PDZD2: variants seen among roughly 807,000 people sequenced by gnomAD.
The protein encoded by PDZD2 is PDZ domain-containing protein 2.
Under a neutral mutation model 220.7 loss-of-function variants are expected in PDZD2, and 90 were observed. The observed-to-expected ratio is 0.41, with a 90% CI of 0.34 to 0.49. The LOEUF is 0.49. Ranked by LOEUF, PDZD2 falls within the 20% of genes least tolerant of loss-of-function variation. The pLI is 0.28. For synonymous variants in PDZD2, 1,375 were observed against 1,450.5 expected, an observed-to-expected ratio of 0.95 and a Z score of 1.18; for missense variants, 3,174 against 3,608.5, an observed-to-expected ratio of 0.88 and a Z score of 3.08.
chr5:31,902,985 T>C (rs1451498894), intron 2 of PDZD2, among the ~76,000 whole-genome samples: 1 of 151,844 alleles, frequency 6.6e-6, no homozygotes, highest in Non-Finnish European at 1.5e-5. Flanking sequence ...ATAATATATA[T>C]GATAAGGGAT....
At chr5:31,956,785 A>G (rs865902651) in intron 2 of PDZD2, among the ~76,000 whole-genome samples, 23 of 140,366 alleles carry the variant, frequency 1.6e-4, no homozygotes, top group African/African-American at 5.9e-4. Flanking sequence ...AAAAAAAAAA[A>G]GGGACAAAGA....
At chr5:31,829,719 C>T (rs1354907450) in intron 2 of PDZD2, among the ~76,000 whole-genome samples, 1 of 152,096 alleles carries the variant, frequency 6.6e-6, no homozygotes, top group African/African-American at 2.4e-5. Flanking sequence ...TACTAACCCC[C>T]CTTTACCAAA....
At chr5:31,943,999 A>G (rs901470178) in intron 2 of PDZD2, among the ~76,000 whole-genome samples, 17 of 152,350 alleles carry the variant, frequency 1.1e-4, no homozygotes, top group African/African-American at 4.1e-4. Context: ...AATATCATCT[A>G]CAGTCATTAC....
intron 14 of PDZD2, among the ~76,000 whole-genome samples, chr5:32,067,520 A>G (rs1246854964): frequency 6.6e-6 from 1 of 152,220 alleles, no homozygotes; most frequent in Admixed American, 6.5e-5. Context: ...AAAGCATTAC[A>G]TAAAGGCCAC....
chr5:31,951,443 G>C (rs777267083), intron 2 of PDZD2, among the ~76,000 whole-genome samples: 9 of 152,074 alleles, frequency 5.9e-5, no homozygotes, highest in Non-Finnish European at 1.3e-4. Flanking sequence ...CCTCTCAAAG[G>C]CTCGACCTCT....
intron 1 of PDZD2, among the ~76,000 whole-genome samples, chr5:31,795,710 A>G (rs1753983444): frequency 6.6e-6 from 1 of 152,210 alleles, no homozygotes; most frequent in South Asian, 2.1e-4. Flanking sequence ...CACTTTTCAT[A>G]GCATTGCAAC....
At chr5:31,937,418 A>G (rs1047477968) in intron 2 of PDZD2, among the ~76,000 whole-genome samples, 1 of 152,128 alleles carries the variant, frequency 6.6e-6, no homozygotes, top group Non-Finnish European at 1.5e-5. Context: ...AGGTTTGGAG[A>G]ATGCCCCGTA....
chr5:31,990,195 T>C lies in PDZD2; in HGVS notation c.979-5381T>C, dbSNP rs571550948. 3.3e-5 allele frequency among the ~76,000 whole-genome samples: 5 copies of C among 151,664 alleles called. No homozygotes were observed. The South Asian group carries it at 6.2e-4, about 19-fold the overall frequency. On this transcript the variant is annotated intron_variant, in intron 3 of 24. Transcript: ENST00000438447. ...CACATATGGGGCAAAGTTGCTGTTA[T>C]AAAGTTTTATTTTTGGTTCCAGCAG...
At chr5:31,884,890 A>C (rs1477691675) in intron 2 of PDZD2, among the ~76,000 whole-genome samples, 4 of 151,548 alleles carry the variant, frequency 2.6e-5, no homozygotes, top group Non-Finnish European at 5.9e-5. Context: ...TGATCCACCC[A>C]CCTCAGCCTC....
At chr5:32,082,257 A>C (rs1742042885) in intron 19 of PDZD2, among the ~76,000 whole-genome samples, 1 of 143,764 alleles carries the variant, frequency 7.0e-6, no homozygotes, top group African/African-American at 2.6e-5. Flanking sequence ...CCTGACCTCA[A>C]GTGATCCACC....
intron 3 of PDZD2, among the ~76,000 whole-genome samples, chr5:31,986,917 A>G (rs1750767538): frequency 6.6e-6 from 1 of 152,188 alleles, no homozygotes; most frequent in Non-Finnish European, 1.5e-5. Flanking sequence ...AACAGGAAAT[A>G]TATTTTCTTT....
At chr5:31,781,086 T>C (rs1753038396) in intron 1 of PDZD2, among the ~76,000 whole-genome samples, 1 of 152,086 alleles carries the variant, frequency 6.6e-6, no homozygotes, top group South Asian at 2.1e-4. Context: ...AGGCCCCTGA[T>C]GGGTGGAGGA....
At chr5:32,103,274 TAGGC>T (rs910039789) in intron 24 of PDZD2, among the ~76,000 whole-genome samples, 2 of 152,074 alleles carry the variant, frequency 1.3e-5, no homozygotes, top group African/African-American at 4.8e-5. Flanking sequence ...CAAGCCTTGT[TAGGC>T]AGAGTGGTGC....
chr5:31,708,835 C>T (rs972383759), intron 1 of PDZD2, among the ~76,000 whole-genome samples: 5 of 151,648 alleles, frequency 3.3e-5, no homozygotes, highest in Non-Finnish European at 7.4e-5. Flanking sequence ...CTTTTCTTTG[C>T]AACTTGGATC....
At chr5:31,906,398 C>T (rs369334907) in intron 2 of PDZD2, among the ~76,000 whole-genome samples, 1 of 150,890 alleles carries the variant, frequency 6.6e-6, no homozygotes, top group Non-Finnish European at 1.5e-5. Context: ...TTGGTAGAGA[C>T]GGGGTTTCGC....
Position 32,089,075 on chromosome 5 carries a change from G to A in PDZD2, c.5627G>A (p.Gly1876Asp), listed in dbSNP as rs1048446207. 5.6e-6 allele frequency: 9 copies of A among 1,613,868 alleles called. No individual in the cohort carries two copies. The South Asian group carries it at 7.7e-5, about 14-fold the overall frequency. The change falls in exon 20 of 25, where the codon GGT becomes GAT. Residue 1876 changes from glycine (G) to aspartate (D), a missense_variant. Gly to Asp is a moderately conservative substitution (Grantham distance 94, BLOSUM62 -1). Coordinates refer to ENST00000438447, the MANE Select transcript of PDZD2 (RefSeq NM_178140.4). ...CCGGCAGAAATGCTTCTGACTAATGGTCAGAAGGCAAAGTGTGGTCCGAAG... is the reference window on the plus strand; with the variant it reads ...CCGGCAGAAATGCTTCTGACTAATGATCAGAAGGCAAAGTGTGGTCCGAAG... Reference protein sequence around the residue: ...KSPAEMLLTNGQKAKCGPKLK... With the variant: ...KSPAEMLLTNDQKAKCGPKLK...
rs567500257 is a variant in PDZD2 at position 31,677,731 on chromosome 5, TCATTA to T, written c.-361+38295_-361+38299del. Among the ~76,000 whole-genome samples the T allele has an allele frequency of 3.7e-3, 561 of 152,046 alleles. 4 individuals are homozygous for T. The highest frequency in any genetic ancestry group is 0.014 in the Middle Eastern group (4 of 292). ...GCAACAATGTGGATGAATCTCAGGA[TCATTA>T]TGCTGAGTGAAAGAAGCAAGACAAA... On this transcript the variant is annotated intron_variant, in intron 1 of 24. Transcript: ENST00000438447.
At chr5:31,931,081 G>A (rs1183196127) in intron 2 of PDZD2, among the ~76,000 whole-genome samples, 2 of 152,158 alleles carry the variant, frequency 1.3e-5, no homozygotes, top group Non-Finnish European at 2.9e-5. Flanking sequence ...GGGGTATAGT[G>A]GCGCGATCTC....
At chr5:31,914,451 C>A (rs1743499202) in intron 2 of PDZD2, among the ~76,000 whole-genome samples, 1 of 152,144 alleles carries the variant, frequency 6.6e-6, no homozygotes, top group Non-Finnish European at 1.5e-5. Flanking sequence ...TTGCTTGAAC[C>A]CAGGAGGCGG....
Sources: gnomAD v4.1 joint callset for allele counts (sites outside exome capture counted in the v4.1 genomes callset) on GRCh38, gnomAD v4.1.1 for gene constraint, MANE v1.5 for transcripts, NCBI Gene and HGNC (gene_info 2026-07-23, HGNC 2026-07-21) for gene names.